The following NXPH1 variants were observed in gnomAD, a reference collection of about 807,000 sequenced individuals.
NXPH1 encodes the protein neurexophilin 1.
A neutral mutation model predicts 23.7 loss-of-function variants in NXPH1; 5 were observed. The ratio of observed to expected loss-of-function variants is 0.21; its 90% CI spans 0.11 to 0.44. NXPH1 has a LOEUF of 0.44. Ranked by LOEUF, NXPH1 falls within the 20% of genes least tolerant of loss-of-function variation. The probability of loss-of-function intolerance (pLI) is 0.99; values close to 1 mark genes in which losing one functional copy is unlikely to be tolerated. For missense variants in NXPH1, 324 were observed against 321.6 expected, an observed-to-expected ratio of 1.01 and a Z score of -0.06; for synonymous variants, 144 against 122.2, an observed-to-expected ratio of 1.18 and a Z score of -1.18.
chr7:8,579,541 T>C (rs1818825684), intron 2 of NXPH1, among the ~76,000 whole-genome samples: 1 of 152,018 alleles, frequency 6.6e-6, no homozygotes, highest in Non-Finnish European at 1.5e-5. Flanking sequence ...CCCAGCTAAT[T>C]TTGTGTTTTT....
At chr7:8,750,874 T>A in intron 2 of NXPH1, 134 bp from the exon 3 acceptor site, 1 of 799,376 alleles carries the variant, frequency 1.3e-6, no homozygotes, top group Non-Finnish European at 2.0e-6. Flanking sequence ...CTTTGGGTGT[T>A]CTTCTCAGAT....
chr7:8,702,922 C>A (rs1779648590), intron 2 of NXPH1, among the ~76,000 whole-genome samples: 1 of 151,990 alleles, frequency 6.6e-6, no homozygotes. Context: ...CTAAAACTAC[C>A]CTTCCATACT....
At position 8,710,953 on chromosome 7, in the gene NXPH1, C is replaced by T. The variant is rs141288040; in HGVS notation, c.55-40055C>T. 3.3e-4 allele frequency among the ~76,000 whole-genome samples: 38 copies of T among 115,014 alleles called. 6 individuals carry two copies. The highest frequency in any genetic ancestry group is 9.7e-3 in the Middle Eastern group (2 of 206). 75.5% of individuals were successfully genotyped at this position (115,014 alleles called of 152,430 possible). On this transcript the variant is annotated intron_variant, in intron 2 of 2. Coordinates refer to ENST00000405863, the MANE Select transcript of NXPH1 (RefSeq NM_152745.3). ...CTGGGACTACAGGCGTGAGCCACCG[C>T]GCCCGGCCGTTACGGTTTTATGATA...
At chr7:8,448,517 A>G (rs1816445260) in intron 2 of NXPH1, among the ~76,000 whole-genome samples, 1 of 152,198 alleles carries the variant, frequency 6.6e-6, no homozygotes, top group African/African-American at 2.4e-5. Context: ...GATTACAGCC[A>G]GAAGAAAATG....
chr7:8,667,452 T>C (rs1264766892), intron 2 of NXPH1, among the ~76,000 whole-genome samples: 1 of 109,414 alleles, frequency 9.1e-6, no homozygotes, highest in African/African-American at 3.1e-5. Context: ...GCAGTATTCT[T>C]GGTTGACAGT....
At chr7:8,679,700 CAA>C (rs1193690751) in intron 2 of NXPH1, among the ~76,000 whole-genome samples, 1 of 152,130 alleles carries the variant, frequency 6.6e-6, no homozygotes, top group Non-Finnish European at 1.5e-5. Context: ...CTTAATCACC[CAA>C]GTCTATTTGT....
At chr7:8,470,053 G>T (rs1317755719) in intron 2 of NXPH1, among the ~76,000 whole-genome samples, 5 of 152,128 alleles carry the variant, frequency 3.3e-5, no homozygotes, top group Non-Finnish European at 7.4e-5. Flanking sequence ...TATATGTCTT[G>T]TGTATGTAGT....
chr7:8,729,634 A>G (rs1391821431), intron 2 of NXPH1, among the ~76,000 whole-genome samples: 3 of 137,494 alleles, frequency 2.2e-5, no homozygotes, highest in Non-Finnish European at 3.1e-5. Context: ...TTCAGTTTCC[A>G]TGTAGTTGAG....
chr7:8,606,558 G>T (rs1050953470), intron 2 of NXPH1, among the ~76,000 whole-genome samples: 2 of 152,166 alleles, frequency 1.3e-5, no homozygotes, highest in Non-Finnish European at 2.9e-5. Flanking sequence ...TCTGAAACAA[G>T]CATAGTATAA....
chr7:8,627,320 G>A (rs1820013593), intron 2 of NXPH1, among the ~76,000 whole-genome samples: 1 of 152,092 alleles, frequency 6.6e-6, no homozygotes, highest in Non-Finnish European at 1.5e-5. Flanking sequence ...AGAAATTAAG[G>A]CCATATATAG....
intron 2 of NXPH1, among the ~76,000 whole-genome samples, chr7:8,747,046 T>TTGA (rs1228000989): frequency 6.6e-6 from 1 of 152,222 alleles, no homozygotes; most frequent in African/African-American, 2.4e-5. Context: ...TGAACAGTGT[T>TTGA]CCAGGTACTG....
chr7:8,436,852 C>A (rs1584153585), intron 2 of NXPH1, among the ~76,000 whole-genome samples: 1 of 152,148 alleles, frequency 6.6e-6, no homozygotes, highest in Non-Finnish European at 1.5e-5. Context: ...TAGATAGAAC[C>A]CATAAGCCTG....
chr7:8,713,287 C>T (rs998938218), intron 2 of NXPH1, among the ~76,000 whole-genome samples: 17 of 152,142 alleles, frequency 1.1e-4, no homozygotes, highest in African/African-American at 3.4e-4. Flanking sequence ...AATTTCTGCT[C>T]GATTCTTCTT....
rs567005105 is a variant in NXPH1 at position 8,751,655 on chromosome 7, C to A, written c.702C>A (p.Pro234=). Residue 234 remains proline (P), a synonymous_variant, in exon 3 of 3, where the codon CCC becomes CCA. Transcript: ENST00000405863. The surrounding 1 kb of genome is among the most constrained non-coding windows in gnomAD (Gnocchi z 4.5). ...QSHVSWLCSK[P]FKVICIYISF... ...ATGTATCCTGGCTCTGCTCCAAGCC[C>A]TTTAAGGTGATCTGTATTTACATTT... 4.3e-6 allele frequency: 7 copies of A among 1,613,314 alleles called. No individual in the cohort carries two copies. Among genetic ancestry groups the A allele is most frequent in the Non-Finnish European group, 5.9e-6 (7 of 1,179,622 alleles).
At chr7:8,569,895 C>T (rs534411407) in intron 2 of NXPH1, among the ~76,000 whole-genome samples, 2 of 151,986 alleles carry the variant, frequency 1.3e-5, no homozygotes, top group Non-Finnish European at 2.9e-5. Flanking sequence ...TGGGCATTCA[C>T]CTCTGTCAGC....
At chr7:8,471,811 A>G (rs1047825272) in intron 2 of NXPH1, among the ~76,000 whole-genome samples, 2 of 152,112 alleles carry the variant, frequency 1.3e-5, no homozygotes, top group Non-Finnish European at 2.9e-5. Context: ...TTGTTCAACT[A>G]TACAGGAGAG....
At chr7:8,587,661 G>T (rs1819006827) in intron 2 of NXPH1, among the ~76,000 whole-genome samples, 1 of 152,048 alleles carries the variant, frequency 6.6e-6, no homozygotes, top group Non-Finnish European at 1.5e-5. Flanking sequence ...ACAGGCCCCA[G>T]TGTGTGATGT....
chr7:8,731,338 G>C (rs562889036), intron 2 of NXPH1, among the ~76,000 whole-genome samples: 377 of 152,268 alleles, frequency 2.5e-3, no homozygotes, highest in Non-Finnish European at 4.7e-3. Flanking sequence ...TCTTCTCTCA[G>C]CTCATCAAAG....
At chr7:8,598,153 A>G (rs558712483) in intron 2 of NXPH1, among the ~76,000 whole-genome samples, 1 of 152,116 alleles carries the variant, frequency 6.6e-6, no homozygotes, top group Non-Finnish European at 1.5e-5. Context: ...TGCTATTCAT[A>G]TTGAGGTCAA....
Sources: allele counts gnomAD v4.1 joint callset (sites outside exome capture counted in the v4.1 genomes callset), GRCh38; gene constraint gnomAD v4.1.1; non-coding constraint Gnocchi (gnomAD v3.1); transcripts MANE v1.5; gene names NCBI Gene and HGNC (gene_info 2026-07-23, HGNC 2026-07-21).